Variants in CNBD1 observed in about 807,000 individuals in gnomAD.
The protein encoded by CNBD1 is cyclic nucleotide binding domain containing 1.
Under a neutral mutation model 54.4 loss-of-function variants are expected in CNBD1, and 71 were observed. The observed-to-expected ratio is 1.30, with a 90% confidence interval of 1.08 to 1.59. The LOEUF (loss-of-function observed/expected upper bound fraction) is 1.59, where lower values mean the gene tolerates loss of function less well. Ranked by LOEUF, CNBD1 falls within the 40% of genes most tolerant of loss-of-function variation. CNBD1 has a pLI of 0.00. For synonymous variants in CNBD1, 182 were observed against 170.7 expected, an observed-to-expected ratio of 1.07 and a Z score of -0.51; for missense variants, 659 against 518.0, an observed-to-expected ratio of 1.27 and a Z score of -2.64.
chr8:87,315,323 CTGTT>C (rs1489095756), intron 8 of CNBD1, among the ~76,000 whole-genome samples: 7 of 151,932 alleles, frequency 4.6e-5, no homozygotes, highest in Admixed American at 3.3e-4. Flanking sequence ...TCTGGTATCT[CTGTT>C]TGTTTGTGTT....
At chr8:87,019,411 T>A (rs1809436295) in intron 4 of CNBD1, among the ~76,000 whole-genome samples, 1 of 152,156 alleles carries the variant, frequency 6.6e-6, no homozygotes, top group Non-Finnish European at 1.5e-5. Context: ...TAACAAAACC[T>A]TTTCTCTCCC....
At chr8:86,954,572 T>C (rs1241819221) in intron 4 of CNBD1, among the ~76,000 whole-genome samples, 1 of 15,780 alleles carries the variant, frequency 6.3e-5, no homozygotes, top group Non-Finnish European at 9.3e-5. Flanking sequence ...GATGAAAATT[T>C]ACATTCCGTG....
chr8:87,127,486 T>C (rs1001302952), intron 4 of CNBD1, among the ~76,000 whole-genome samples: 2 of 152,182 alleles, frequency 1.3e-5, no homozygotes, highest in Non-Finnish European at 2.9e-5. Context: ...TAAAATTGAT[T>C]TATGTGTATT....
At chr8:87,051,036 A>C (rs1810300767) in intron 4 of CNBD1, among the ~76,000 whole-genome samples, 1 of 152,164 alleles carries the variant, frequency 6.6e-6, no homozygotes, top group African/African-American at 2.4e-5. Flanking sequence ...GAGGAGATAA[A>C]GAGTTTGTTC....
chr8:87,062,752 T>C (rs1257009236), intron 4 of CNBD1, among the ~76,000 whole-genome samples: 2 of 152,162 alleles, frequency 1.3e-5, no homozygotes, highest in African/African-American at 2.4e-5. Flanking sequence ...AAAAAAATGC[T>C]TTGTACATTA....
At chr8:87,094,444 CT>C (rs397892505) in intron 4 of CNBD1, among the ~76,000 whole-genome samples, 5,511 of 139,082 alleles carry the variant, frequency 0.04, 272 homozygotes, top group African/African-American at 0.12. Flanking sequence ...TTCTTTAATG[CT>C]TTTTTTTTTT....
chr8:87,076,221 A>G (rs955695070), intron 4 of CNBD1, among the ~76,000 whole-genome samples: 1 of 152,180 alleles, frequency 6.6e-6, no homozygotes, highest in African/African-American at 2.4e-5. Context: ...ATTAAACTTC[A>G]GAGGAATGCC....
chr8:86,954,849 T>G (rs750162624), intron 4 of CNBD1, among the ~76,000 whole-genome samples: 5 of 152,216 alleles, frequency 3.3e-5, no homozygotes, highest in Non-Finnish European at 7.3e-5. Flanking sequence ...TTTCTTTAAT[T>G]ATACTTTAAG....
chr8:87,384,940 G>A (rs1366768577), downstream of CNBD1, among the ~76,000 whole-genome samples: 1 of 152,160 alleles, frequency 6.6e-6, no homozygotes. Context: ...AAAAGTAAAT[G>A]TGAGACCATA....
intron 5 of CNBD1, among the ~76,000 whole-genome samples, chr8:87,214,429 TC>T (rs991197566): frequency 6.6e-6 from 1 of 152,162 alleles, no homozygotes; most frequent in Non-Finnish European, 1.5e-5. Context: ...GATTTTATTG[TC>T]CATATCACTC....
At chr8:86,938,917 T>C (rs1242025942) in intron 3 of CNBD1, among the ~76,000 whole-genome samples, 5 of 152,256 alleles carry the variant, frequency 3.3e-5, no homozygotes, top group African/African-American at 1.2e-4. Context: ...TTCCTATGTA[T>C]ATAATTAAAG....
intron 3 of CNBD1, among the ~76,000 whole-genome samples, chr8:86,931,575 G>A (rs1809459017): frequency 6.6e-6 from 1 of 152,108 alleles, no homozygotes; most frequent in Non-Finnish European, 1.5e-5. Flanking sequence ...ACAAAGGTTT[G>A]TTTGTCTGAG....
chr8:87,221,435 T>C (rs1024762549), intron 5 of CNBD1, among the ~76,000 whole-genome samples: 6 of 152,140 alleles, frequency 3.9e-5, no homozygotes, highest in Non-Finnish European at 8.8e-5. Context: ...AAGTACTCCA[T>C]GTTACCTGCT....
intron 3 of CNBD1, among the ~76,000 whole-genome samples, chr8:86,915,831 T>A (rs1234492336): frequency 1.3e-5 from 2 of 152,212 alleles, no homozygotes; most frequent in East Asian, 3.8e-4. Flanking sequence ...GAAGTCAATC[T>A]ATCTGGGCAT....
chr8:87,316,087 A>T (rs1809377977), intron 8 of CNBD1, among the ~76,000 whole-genome samples: 1 of 152,114 alleles, frequency 6.6e-6, no homozygotes, highest in Non-Finnish European at 1.5e-5. Flanking sequence ...CAAAAGGCTG[A>T]GAAGTGATTC....
intron 4 of CNBD1, among the ~76,000 whole-genome samples, chr8:87,013,089 AG>A (rs2130563732): frequency 6.6e-6 from 1 of 152,334 alleles, no homozygotes; most frequent in African/African-American, 2.4e-5. Context: ...AAGACCCCAA[AG>A]GAGTTGACTG....
chr8:87,374,736 A>G (rs1306078907), intron 10 of CNBD1, among the ~76,000 whole-genome samples: 1 of 151,840 alleles, frequency 6.6e-6, no homozygotes, highest in Non-Finnish European at 1.5e-5. Flanking sequence ...CTGGAAGTCA[A>G]GTACTCCAAA....
chr8:87,379,105 GA>G (rs1749766027), intron 10 of CNBD1, among the ~76,000 whole-genome samples: 1 of 151,426 alleles, frequency 6.6e-6, no homozygotes, highest in South Asian at 2.1e-4. Context: ...TGCAAACAGG[GA>G]CAATTTGACT....
chr8:86,895,331 G>T (rs988030773), intron 2 of CNBD1, among the ~76,000 whole-genome samples: 2 of 151,286 alleles, frequency 1.3e-5, no homozygotes, highest in African/African-American at 4.9e-5. Flanking sequence ...TTATTGTATG[G>T]ATATACCACA....
Sources: gnomAD v4.1 joint callset for allele counts (sites outside exome capture counted in the v4.1 genomes callset) on GRCh38, gnomAD v4.1.1 for gene constraint, MANE v1.5 for transcripts, NCBI Gene and HGNC (gene_info 2026-07-23, HGNC 2026-07-21) for gene names.